The following CORO2B variants were observed in gnomAD, a reference collection of about 807,000 sequenced individuals.
CORO2B encodes the protein coronin-2B.
In CORO2B, 26 loss-of-function variants were observed where a neutral mutation model predicts 58.8. The observed-to-expected ratio is 0.44, with a 90% confidence interval of 0.32 to 0.61. The LOEUF is 0.61. CORO2B is among the 20% of genes least tolerant of loss of function. CORO2B has a pLI of 0.04. For synonymous variants in CORO2B, 242 were observed against 253.8 expected (o/e 0.95, Z 0.44); for missense variants, 460 against 645.1 (o/e 0.71, Z 3.11).
chr15:68,644,573 T>A (rs1033878363), intron 1 of CORO2B, among the ~76,000 whole-genome samples: 1 of 152,150 alleles, frequency 6.6e-6, no homozygotes, highest in African/African-American at 2.4e-5. Flanking sequence ...TCTCTGTGCC[T>A]GATGATATGA....
At chr15:68,670,999 C>T (rs1902373839) in intron 2 of CORO2B, among the ~76,000 whole-genome samples, 2 of 152,180 alleles carry the variant, frequency 1.3e-5, no homozygotes, top group African/African-American at 4.8e-5. Flanking sequence ...AATTCAGCTA[C>T]TATGTTTGCC....
intron 8 of CORO2B, among the ~76,000 whole-genome samples, chr15:68,715,947 A>G (rs1567019174): frequency 6.6e-6 from 1 of 152,074 alleles, no homozygotes; most frequent in Non-Finnish European, 1.5e-5. Flanking sequence ...CCAATGAAAC[A>G]CCTATTTTCA....
intron 1 of CORO2B, among the ~76,000 whole-genome samples, chr15:68,614,135 G>T (rs763789815): frequency 7.9e-5 from 12 of 152,166 alleles, no homozygotes; most frequent in Non-Finnish European, 1.5e-4. Context: ...TCTGGGAGTG[G>T]TCCCTAGAAT....
At chr15:68,529,021 T>C in the CORO2B span, among the ~76,000 whole-genome samples, 112,552 of 152,070 alleles carry the variant, frequency 0.74, 42,183 homozygotes, top group East Asian at 0.96. Context: ...AATCCTAAAT[T>C]AGTCTTTCTC....
chr15:68,725,941 G>A lies in CORO2B; in HGVS notation c.1410G>A (p.Leu470=). The change falls in exon 12 of 12, where the codon CTG becomes CTA. Residue 470 remains leucine, a synonymous_variant. Coordinates refer to ENST00000261861, the MANE Select transcript of CORO2B (RefSeq NM_006091.5). ...GCATTCGGCAGCTCCAGCTGGAACT[G>A]AAAAACTTGCGCAACAGCCCCAAGA... is the stretch of plus-strand genomic sequence containing the variant. ...DIRIRQLQLE[L]KNLRNSPKNC 1.2e-6 allele frequency: 2 copies of A among 1,613,984 alleles called. No individual in the cohort carries two copies. The highest frequency in any genetic ancestry group is 1.7e-6 in the Non-Finnish European group (2 of 1,180,036).
intron 1 of CORO2B, among the ~76,000 whole-genome samples, chr15:68,630,363 C>T (rs986268503): frequency 4.6e-5 from 7 of 152,046 alleles, no homozygotes; most frequent in African/African-American, 1.7e-4. Flanking sequence ...CACGGGCAGC[C>T]GCATCAGCAC....
chr15:68,588,360 T>C (rs1281572676), intron 1 of CORO2B, among the ~76,000 whole-genome samples: 1 of 152,266 alleles, frequency 6.6e-6, no homozygotes, highest in African/African-American at 2.4e-5. Context: ...TCTCTTCCTG[T>C]TCTGTCTATT....
At chr15:68,525,198 T>G in the CORO2B span, among the ~76,000 whole-genome samples, 3 of 152,180 alleles carry the variant, frequency 2.0e-5, no homozygotes, top group Admixed American at 6.5e-5. Flanking sequence ...TGGGGCTTAT[T>G]ATGGTCTAAA....
At position 68,579,048 on chromosome 15, in the gene CORO2B, C is replaced by T. The variant is rs1022566401; in HGVS notation, c.-215C>T. 15 of 984,206 alleles carry T rather than the reference C, an allele frequency of 1.5e-5. No individual in the cohort carries two copies. In the African/African-American group the frequency reaches 2.3e-4, roughly 15 times the overall value. The allele number at this position is 984,206 out of a possible 1,614,324, so 61.0% of individuals were successfully genotyped here. On this transcript the variant is annotated 5_prime_UTR_variant, in exon 1 of 12. Coordinates refer to ENST00000261861, the MANE Select transcript of CORO2B (RefSeq NM_006091.5). ...GGCTCATCTATTATAAATGCACATT[C>T]GGGGCTGACATCAGCGACGAGCGGC...
Position 68,645,850 on chromosome 15 carries a change from T to C in CORO2B, c.216+490T>C, listed in dbSNP as rs1045602153. 6.6e-6 allele frequency among the ~76,000 whole-genome samples: 1 copy of C among 152,126 alleles called. No homozygotes were observed. Among genetic ancestry groups the C allele is most frequent in the Non-Finnish European group, 1.5e-5 (1 of 68,014 alleles). On this transcript the variant is annotated intron_variant, in intron 2 of 11. Transcript: ENST00000261861. The surrounding 1 kb of genome is among the most constrained non-coding windows in gnomAD (Gnocchi z 4.5). Reference sequence around the variant, plus strand: ...GTTCAATGGCGCGATCTCGGCTCACTGCAACCTCTGCCTCCCAGGTTCAAG... The same window carrying C: ...GTTCAATGGCGCGATCTCGGCTCACCGCAACCTCTGCCTCCCAGGTTCAAG...
the CORO2B span, chr15:68,559,707 C>A: frequency 1.1e-6 from 1 of 884,504 alleles, no homozygotes; most frequent in Non-Finnish European, 1.4e-6. The surrounding 1 kb of genome is among the most constrained non-coding windows in gnomAD (Gnocchi z 4.3). Flanking sequence ...CTCTGGGGTT[C>A]TCCCAGGGGG....
chr15:68,719,152 C>T lies in CORO2B; in HGVS notation c.1089C>T (p.Ser363=). The T allele has an allele frequency of 6.2e-7, 1 of 1,613,904 alleles. No individual in the cohort carries two copies. Among genetic ancestry groups the T allele is most frequent in the Non-Finnish European group, 8.5e-7 (1 of 1,179,796 alleles). Reference sequence around the variant, plus strand: ...TGCTCCTCCCACTGTAGTCAGATTCCTACCAGGAAGACATTTACCCAATGA... The same window carrying T: ...TGCTCCTCCCACTGTAGTCAGATTCTTACCAGGAAGACATTTACCCAATGA... The part of the protein sequence containing the change: ...ISMIVPRRSD[S]YQEDIYPMTP... The change falls in exon 10 of 12, where the codon TCC becomes TCT. Residue 363 remains serine, a synonymous_variant. Coordinates refer to ENST00000261861, the MANE Select transcript of CORO2B (RefSeq NM_006091.5).
At chr15:68,691,622 C>A (rs1176840625) in intron 2 of CORO2B, among the ~76,000 whole-genome samples, 79 of 686 alleles carry the variant, frequency 0.12, 8 homozygotes, top group African/African-American at 0.17. Flanking sequence ...GAGACTCCGT[C>A]TCAAAAAAAA....
chr15:68,518,641 T>C, the CORO2B span, among the ~76,000 whole-genome samples: 1 of 152,130 alleles, frequency 6.6e-6, no homozygotes, highest in East Asian at 1.9e-4. Context: ...ACTTGGGGCC[T>C]TCTGGGCATA....
At chr15:68,604,897 C>T (rs983416253) in intron 1 of CORO2B, among the ~76,000 whole-genome samples, 2 of 152,082 alleles carry the variant, frequency 1.3e-5, no homozygotes, top group African/African-American at 2.4e-5. Context: ...GGGCTGATCA[C>T]GAGGTCAGGA....
chr15:68,608,474 C>T (rs1427752320), intron 1 of CORO2B, among the ~76,000 whole-genome samples: 3 of 152,242 alleles, frequency 2.0e-5, no homozygotes, highest in Non-Finnish European at 4.4e-5. Flanking sequence ...CCAGCCCTCT[C>T]CCTCAGGGAG....
At chr15:68,664,355 TGA>T (rs972311044) in intron 2 of CORO2B, among the ~76,000 whole-genome samples, 2 of 134,006 alleles carry the variant, frequency 1.5e-5, no homozygotes, top group Non-Finnish European at 3.0e-5. Context: ...TCTTAAAAAC[TGA>T]GAGTTATTGG....
the CORO2B span, among the ~76,000 whole-genome samples, chr15:68,518,930 G>A: frequency 5.3e-5 from 8 of 152,260 alleles, no homozygotes; most frequent in Admixed American, 2.0e-4. Flanking sequence ...AGCCTGGACC[G>A]GGTCTCTGCT....
At chr15:68,575,342 C>CTA (rs1899258961), upstream of CORO2B, among the ~76,000 whole-genome samples, 2 of 143,450 alleles carry the variant, frequency 1.4e-5, no homozygotes, top group Non-Finnish European at 3.0e-5. Flanking sequence ...ACACCTTTTT[C>CTA]TTTTTTTTTT....
Sources: allele counts gnomAD v4.1 joint callset (sites outside exome capture counted in the v4.1 genomes callset), GRCh38; gene constraint gnomAD v4.1.1; non-coding constraint Gnocchi (gnomAD v3.1); transcripts MANE v1.5; gene names NCBI Gene and HGNC (gene_info 2026-07-23, HGNC 2026-07-21).